The following EPHB1 variants were observed in gnomAD, a reference collection of about 807,000 sequenced individuals.
EPHB1 encodes the protein EPH receptor B1.
In EPHB1, 30 loss-of-function variants were observed where a neutral mutation model predicts 94.4. The observed-to-expected ratio is 0.32, with a 90% CI of 0.24 to 0.43. EPHB1 has a LOEUF of 0.43. Among genes scored for constraint, EPHB1 ranks in the 20% least tolerant of loss-of-function variants. EPHB1 has a pLI of 1.00. For synonymous variants in EPHB1, 522 were observed against 489.1 expected, an observed-to-expected ratio of 1.07 and a Z score of -0.89; for missense variants, 1,055 against 1,308.3, an observed-to-expected ratio of 0.81 and a Z score of 2.99.
intron 1 of EPHB1, among the ~76,000 whole-genome samples, chr3:134,901,060 A>T (rs78736732): frequency 0.15 from 22,633 of 151,522 alleles, 2,152 homozygotes; most frequent in African/African-American, 0.27. Flanking sequence ...CTTCTTTTTA[A>T]AAAAAAAACT....
chr3:135,156,845 A>G (rs1021797100), intron 6 of EPHB1, among the ~76,000 whole-genome samples: 1 of 152,220 alleles, frequency 6.6e-6, no homozygotes, highest in African/African-American at 2.4e-5. Context: ...ATATTTTGGA[A>G]CAATGTGTTT....
At chr3:134,858,673 C>G (rs7645894) in intron 1 of EPHB1, among the ~76,000 whole-genome samples, 150,986 of 152,358 alleles carry the variant, frequency 0.99, 74,829 homozygotes, top group Middle Eastern at 1. Flanking sequence ...AAAAATAACA[C>G]TACGGAATGA....
At chr3:135,254,786 G>A (rs1933298201) in intron 15 of EPHB1, among the ~76,000 whole-genome samples, 1 of 152,096 alleles carries the variant, frequency 6.6e-6, no homozygotes, top group Non-Finnish European at 1.5e-5. Context: ...GTTTCAGAAG[G>A]AATGGTACCA....
rs370989672 is a variant in EPHB1, at chr3:135,182,080, A to G, written c.1882+2098A>G. Among the ~76,000 whole-genome samples the G allele has an allele frequency of 3.9e-5, 6 of 152,266 alleles. No homozygotes were observed. In the East Asian group the frequency reaches 1.2e-3, roughly 29 times the overall value. ...AACTTACTATGCATAACTTCATGCA[A>G]TTTTAACAGAAGACACTCCTGCAGG... On this transcript the variant is annotated intron_variant, in intron 10 of 15. Coordinates refer to ENST00000398015, the MANE Select transcript of EPHB1 (RefSeq NM_004441.5).
At chr3:135,196,818 C>G (rs193261814) in intron 11 of EPHB1, among the ~76,000 whole-genome samples, 1 of 152,252 alleles carries the variant, frequency 6.6e-6, no homozygotes, top group East Asian at 1.9e-4. Flanking sequence ...TATGCTTCAA[C>G]CACACATTCA....
intron 1 of EPHB1, 147 bp downstream of exon 1, chr3:134,795,836 C>A (rs1234750576): frequency 2.1e-6 from 2 of 957,072 alleles, no homozygotes; most frequent in African/African-American, 1.7e-5. Context: ...GCCTCGGCCG[C>A]TGCCGAGCGC....
chr3:135,039,449 C>G (rs547897672), intron 3 of EPHB1, among the ~76,000 whole-genome samples: 1 of 152,204 alleles, frequency 6.6e-6, no homozygotes. Context: ...CTTGGGTGGT[C>G]GATGGGACTG....
intron 1 of EPHB1, among the ~76,000 whole-genome samples, chr3:134,900,363 A>G (rs953885893): frequency 3.3e-5 from 5 of 152,108 alleles, no homozygotes; most frequent in Admixed American, 6.5e-5. Flanking sequence ...GTAATAGCTG[A>G]ATAGAGATAA....
chr3:134,817,128 G>A (rs1180600927), intron 1 of EPHB1, among the ~76,000 whole-genome samples: 1 of 152,044 alleles, frequency 6.6e-6, no homozygotes, highest in Non-Finnish European at 1.5e-5. Flanking sequence ...ATATATGAAT[G>A]TAGTTTTTTT....
intron 3 of EPHB1, among the ~76,000 whole-genome samples, chr3:135,012,933 A>C (rs1935670425): frequency 6.6e-6 from 1 of 152,222 alleles, no homozygotes; most frequent in South Asian, 2.1e-4. Context: ...ATGTATTTGC[A>C]TGTACATATT....
chr3:134,795,463 A>G lies in EPHB1; in HGVS notation c.-169A>G. 1.6e-6 allele frequency: 1 copy of G among 618,722 alleles called. No individual in the cohort carries two copies. Among genetic ancestry groups the G allele is most frequent in the East Asian group, 3.2e-5 (1 of 31,656 alleles). 38.3% of individuals were successfully genotyped at this position (618,722 alleles called of 1,614,324 possible). ...CGCGCGCCCGCACCGCCCCACGCGC[A>G]CACACTCCTGCCCACGCCCACGCAG... On this transcript the variant is annotated 5_prime_UTR_variant, in exon 1 of 16. Transcript: ENST00000398015.
chr3:134,930,089 A>G (rs1318121941), intron 2 of EPHB1, among the ~76,000 whole-genome samples: 3 of 152,224 alleles, frequency 2.0e-5, no homozygotes, highest in Admixed American at 6.5e-5. Flanking sequence ...TGGCATTGCA[A>G]TGGGCCCCAT....
At chr3:135,020,489 C>T (rs1203203153) in intron 3 of EPHB1, among the ~76,000 whole-genome samples, 1 of 152,210 alleles carries the variant, frequency 6.6e-6, no homozygotes, top group Admixed American at 6.5e-5. Flanking sequence ...TATGGATTTG[C>T]CTATTCTGGA....
At chr3:135,116,140 G>A (rs747440578) in intron 4 of EPHB1, among the ~76,000 whole-genome samples, 9 of 152,174 alleles carry the variant, frequency 5.9e-5, no homozygotes, top group Non-Finnish European at 1.2e-4. Flanking sequence ...CTTGAACCCA[G>A]GAGGCAAAGG....
In EPHB1 at chr3:134,896,834, A is replaced by G. The variant is rs1026527911; in HGVS notation, c.59-28982A>G. On this transcript the variant is annotated intron_variant, in intron 1 of 15. Coordinates refer to ENST00000398015, the MANE Select transcript of EPHB1 (RefSeq NM_004441.5). Reference sequence around the variant, plus strand: ...CGGCTATTGTCGTCAGGCCCTGCCCAAGAGCCCTTGGGTGTCCAAGCGAGT... The same window carrying G: ...CGGCTATTGTCGTCAGGCCCTGCCCGAGAGCCCTTGGGTGTCCAAGCGAGT... Among the ~76,000 whole-genome samples the G allele has an allele frequency of 3.3e-5, 5 of 152,244 alleles. No individual in the cohort carries two copies. The South Asian group carries it at 1.0e-3, about 31-fold the overall frequency.
At chr3:134,938,913 C>T (rs1313969743) in intron 2 of EPHB1, among the ~76,000 whole-genome samples, 1 of 152,152 alleles carries the variant, frequency 6.6e-6, no homozygotes, top group Admixed American at 6.5e-5. Flanking sequence ...TATGAACTTA[C>T]CCCGGGCTAA....
At chr3:134,823,282 C>T (rs543371143) in intron 1 of EPHB1, among the ~76,000 whole-genome samples, 41 of 152,122 alleles carry the variant, frequency 2.7e-4, no homozygotes, top group Non-Finnish European at 5.7e-4. Flanking sequence ...GCTGGCAGAT[C>T]GCAGGAGCAG....
At chr3:135,169,703 C>T (rs908836828) in intron 9 of EPHB1, among the ~76,000 whole-genome samples, 2 of 152,172 alleles carry the variant, frequency 1.3e-5, no homozygotes, top group African/African-American at 4.8e-5. Context: ...AGGGAACTCC[C>T]TACATTGGGA....
At chr3:135,030,338 T>A (rs1936387703) in intron 3 of EPHB1, among the ~76,000 whole-genome samples, 1 of 152,216 alleles carries the variant, frequency 6.6e-6, no homozygotes, top group Non-Finnish European at 1.5e-5. Flanking sequence ...TTCTGTTTTT[T>A]CCCTATCTTT....
Sources: allele counts gnomAD v4.1 joint callset (sites outside exome capture counted in the v4.1 genomes callset), GRCh38; gene constraint gnomAD v4.1.1; transcripts MANE v1.5; gene names NCBI Gene and HGNC (gene_info 2026-07-23, HGNC 2026-07-21).